The following STAU2 variants were observed in gnomAD, a reference collection of about 807,000 sequenced individuals.
STAU2 encodes the protein double-stranded RNA-binding protein Staufen homolog 2.
STAU2 carries 20 observed loss-of-function variants against 65.9 expected under a neutral mutation model. The observed-to-expected ratio is 0.30, with a 90% confidence interval of 0.21 to 0.44. The LOEUF (loss-of-function observed/expected upper bound fraction) is 0.44, where lower values mean the gene tolerates loss of function less well. Ranked by LOEUF, STAU2 falls within the 20% of genes least tolerant of loss-of-function variation. STAU2 has a pLI of 1.00. For missense variants in STAU2, 558 were observed against 683.9 expected (o/e 0.82, Z 2.05); for synonymous variants, 232 against 233.9 (o/e 0.99, Z 0.07).
chr8:73,566,331 T>G (rs1316839758), intron 12 of STAU2, among the ~76,000 whole-genome samples: 1 of 152,238 alleles, frequency 6.6e-6, no homozygotes, highest in Non-Finnish European at 1.5e-5. Flanking sequence ...GCTGTGTCAC[T>G]GATGTAATAA....
chr8:73,540,122 G>A (rs993356963), intron 13 of STAU2, among the ~76,000 whole-genome samples: 6 of 152,312 alleles, frequency 3.9e-5, no homozygotes, highest in South Asian at 4.1e-4. Flanking sequence ...TGTAGCCCTA[G>A]TACCTTTGAA....
At chr8:73,641,611 G>A (rs961727279) in intron 6 of STAU2, among the ~76,000 whole-genome samples, 1 of 152,132 alleles carries the variant, frequency 6.6e-6, no homozygotes, top group Admixed American at 6.5e-5. Context: ...TCTGAGAAAT[G>A]CTACACATTA....
intron 6 of STAU2, among the ~76,000 whole-genome samples, chr8:73,659,829 C>T (rs993087108): frequency 2.0e-5 from 3 of 152,114 alleles, no homozygotes; most frequent in East Asian, 1.9e-4. Context: ...AGATAGACCC[C>T]TTGTTGTAAA....
chr8:73,486,525 A>G (rs1398146624), intron 13 of STAU2, among the ~76,000 whole-genome samples: 1 of 151,522 alleles, frequency 6.6e-6, no homozygotes, highest in African/African-American at 2.4e-5. Flanking sequence ...TCAACTAGCT[A>G]TTAGTATAAA....
intron 11 of STAU2, among the ~76,000 whole-genome samples, chr8:73,583,936 T>C (rs984488370): frequency 6.6e-6 from 1 of 152,222 alleles, no homozygotes; most frequent in Non-Finnish European, 1.5e-5. Flanking sequence ...ATTTTATATT[T>C]ATGTTAACGG....
chr8:73,449,505 G>A (rs1782882290), intron 13 of STAU2, among the ~76,000 whole-genome samples: 1 of 152,090 alleles, frequency 6.6e-6, no homozygotes, highest in Non-Finnish European at 1.5e-5. Flanking sequence ...GGGGGTTAGG[G>A]CTTCAACGGA....
chr8:73,475,616 T>C (rs1820279249), intron 13 of STAU2, among the ~76,000 whole-genome samples: 1 of 152,204 alleles, frequency 6.6e-6, no homozygotes, highest in Non-Finnish European at 1.5e-5. Context: ...AAACGGTCTA[T>C]TGAATTTATT....
chr8:73,668,236 T>C (rs1305479994), intron 6 of STAU2, among the ~76,000 whole-genome samples: 3 of 151,636 alleles, frequency 2.0e-5, no homozygotes, highest in South Asian at 2.1e-4. Context: ...GAAAACAAAG[T>C]AGAGAAAAAA....
chr8:73,717,806 C>G (rs191641188), intron 3 of STAU2, among the ~76,000 whole-genome samples: 3 of 152,228 alleles, frequency 2.0e-5, no homozygotes, highest in Admixed American at 2.0e-4. Context: ...GCTTTTAATT[C>G]TTGAAATCAG....
At chr8:73,699,978 G>A (rs534278390) in intron 4 of STAU2, among the ~76,000 whole-genome samples, 13 of 151,128 alleles carry the variant, frequency 8.6e-5, no homozygotes, top group Admixed American at 2.6e-4. Flanking sequence ...CATTCATCAT[G>A]ACCAAGTGGG....
chr8:73,441,677 A>C (rs1012325936), intron 13 of STAU2, among the ~76,000 whole-genome samples: 1 of 152,232 alleles, frequency 6.6e-6, no homozygotes, highest in African/African-American at 2.4e-5. Flanking sequence ...ACACAGTTTC[A>C]TTAATTCTCA....
At chr8:73,615,851 C>A in intron 7 of STAU2, 69 bp from the exon 8 acceptor site, 1 of 1,119,172 alleles carries the variant, frequency 8.9e-7, no homozygotes, top group South Asian at 1.3e-5. Context: ...ATTCTACAGT[C>A]AAGATGGCCT....
intron 6 of STAU2, among the ~76,000 whole-genome samples, chr8:73,643,690 T>G (rs1254405364): frequency 6.6e-6 from 1 of 152,230 alleles, no homozygotes; most frequent in Admixed American, 6.5e-5. Flanking sequence ...TAGGAACTAC[T>G]GCCGTGTTTG....
chr8:73,548,390 C>T (rs900393820), intron 13 of STAU2, among the ~76,000 whole-genome samples: 2 of 151,986 alleles, frequency 1.3e-5, no homozygotes, highest in African/African-American at 2.4e-5. Flanking sequence ...AGCCACCACC[C>T]CCCCACTTCC....
At chr8:73,661,865 G>A (rs1216092828) in intron 6 of STAU2, among the ~76,000 whole-genome samples, 1 of 151,988 alleles carries the variant, frequency 6.6e-6, no homozygotes, top group African/African-American at 2.4e-5. Context: ...TTCCAATTTG[G>A]GGCTATTATA....
intron 9 of STAU2, among the ~76,000 whole-genome samples, chr8:73,611,902 G>A (rs1253236400): frequency 4.6e-5 from 7 of 152,014 alleles, no homozygotes; most frequent in African/African-American, 9.7e-5. Flanking sequence ...TGCTGGTCTC[G>A]AACTCCTAGC....
At chr8:73,585,803 G>A (rs1439354833) in intron 11 of STAU2, among the ~76,000 whole-genome samples, 1 of 152,140 alleles carries the variant, frequency 6.6e-6, no homozygotes, top group Admixed American at 6.6e-5. Flanking sequence ...ACCTTTAATT[G>A]TAATAATCCC....
upstream of STAU2, chr8:73,747,377 C>G: frequency 6.5e-7 from 1 of 1,535,346 alleles, no homozygotes; most frequent in Non-Finnish European, 8.7e-7. Flanking sequence ...CTCTGATTCC[C>G]CGCTCGTACC....
chr8:73,712,814 T>C (rs1820992702), intron 3 of STAU2, among the ~76,000 whole-genome samples: 1 of 152,140 alleles, frequency 6.6e-6, no homozygotes, highest in African/African-American at 2.4e-5. Flanking sequence ...ATATTAGCCA[T>C]ATGTCATGGC....
Sources: gnomAD v4.1 joint callset for allele counts (sites outside exome capture counted in the v4.1 genomes callset) on GRCh38, gnomAD v4.1.1 for gene constraint, MANE v1.5 for transcripts, NCBI Gene and HGNC (gene_info 2026-07-23, HGNC 2026-07-21) for gene names.